ALOX5AP: variants seen among roughly 807,000 people sequenced by gnomAD.
The protein encoded by ALOX5AP is arachidonate 5-lipoxygenase activating protein.
In ALOX5AP, 9 loss-of-function variants were observed where a neutral mutation model predicts 18.5. The observed-to-expected ratio is 0.49, with a 90% confidence interval of 0.29 to 0.85. ALOX5AP has a LOEUF of 0.85. Among genes scored for constraint, ALOX5AP ranks in the 40% least tolerant of loss-of-function variants. ALOX5AP has a pLI of 0.08. For synonymous variants in ALOX5AP, 81 were observed against 78.6 expected, an observed-to-expected ratio of 1.03 and a Z score of -0.16; for missense variants, 172 against 202.5, an observed-to-expected ratio of 0.85 and a Z score of 0.91.
intron 1 of ALOX5AP, among the ~76,000 whole-genome samples, chr13:30,722,524 CAGTA>C (rs1312009354): frequency 6.6e-6 from 1 of 152,068 alleles, no homozygotes; most frequent in Non-Finnish European, 1.5e-5. Flanking sequence ...TATATATGCT[CAGTA>C]AGTATTTGTT....
At chr13:30,739,269 C>T (rs1432561343) in intron 1 of ALOX5AP, among the ~76,000 whole-genome samples, 1 of 152,214 alleles carries the variant, frequency 6.6e-6, no homozygotes, top group Non-Finnish European at 1.5e-5. Flanking sequence ...AATCCTTGCA[C>T]TCACCCACTC....
intron 1 of ALOX5AP, among the ~76,000 whole-genome samples, chr13:30,729,443 A>T (rs1320319306): frequency 6.6e-6 from 1 of 152,224 alleles, no homozygotes; most frequent in Admixed American, 6.5e-5. Flanking sequence ...ATATATGGGC[A>T]TCATGAATTT....
intron 3 of ALOX5AP, among the ~76,000 whole-genome samples, chr13:30,753,015 T>C (rs1951864479): frequency 6.6e-6 from 1 of 152,214 alleles, no homozygotes; most frequent in African/African-American, 2.4e-5. Flanking sequence ...TAAATATATA[T>C]TGAAGAGCTA....
chr13:30,737,013 G>A (rs1951727393), intron 1 of ALOX5AP, among the ~76,000 whole-genome samples: 1 of 152,236 alleles, frequency 6.6e-6, no homozygotes, highest in Non-Finnish European at 1.5e-5. Flanking sequence ...GTGATGGACA[G>A]GTCAGCCTGC....
At chr13:30,714,669 C>T (rs1951536024) in intron 1 of ALOX5AP, among the ~76,000 whole-genome samples, 1 of 152,008 alleles carries the variant, frequency 6.6e-6, no homozygotes, top group Non-Finnish European at 1.5e-5. Flanking sequence ...GTCTTGGATG[C>T]TTCAAAGGGG....
intron 2 of ALOX5AP, among the ~76,000 whole-genome samples, chr13:30,746,204 T>C (rs907650726): frequency 7.9e-5 from 12 of 152,198 alleles, no homozygotes; most frequent in African/African-American, 2.9e-4. Flanking sequence ...TCCACAGTCG[T>C]TGTGGGGTGC....
At chr13:30,763,802 A>G in intron 4 of ALOX5AP, 142 bp from the exon 5 acceptor site, 1 of 780,722 alleles carries the variant, frequency 1.3e-6, no homozygotes, top group Non-Finnish European at 2.1e-6. Context: ...CTTCAAATGA[A>G]GTAAATGGGA....
intron 1 of ALOX5AP, among the ~76,000 whole-genome samples, chr13:30,716,762 T>A (rs570998460): frequency 6.6e-6 from 1 of 152,222 alleles, no homozygotes; most frequent in Non-Finnish European, 1.5e-5. Context: ...TGAGTTGTGA[T>A]AATTCGCTGG....
intron 1 of ALOX5AP, among the ~76,000 whole-genome samples, chr13:30,740,535 T>C (rs1180472502): frequency 6.6e-6 from 1 of 152,182 alleles, no homozygotes; most frequent in Non-Finnish European, 1.5e-5. Context: ...GTTTATGGTC[T>C]TTGCATGTAT....
chr13:30,729,532 A>G (rs1951664628), intron 1 of ALOX5AP, among the ~76,000 whole-genome samples: 1 of 151,970 alleles, frequency 6.6e-6, no homozygotes, highest in African/African-American at 2.4e-5. Context: ...CCTACAAAAC[A>G]GATAAAGCTA....
intron 2 of ALOX5AP, among the ~76,000 whole-genome samples, chr13:30,750,986 G>T (rs1002714699): frequency 6.2e-4 from 94 of 152,332 alleles, no homozygotes; most frequent in Non-Finnish European, 1.2e-4. Flanking sequence ...CAGAAGGATT[G>T]CAGCCCTGCT....
intron 1 of ALOX5AP, among the ~76,000 whole-genome samples, chr13:30,725,630 G>A (rs1951633865): frequency 6.6e-6 from 1 of 152,236 alleles, no homozygotes; most frequent in Non-Finnish European, 1.5e-5. Flanking sequence ...ATCATGGAAG[G>A]GGCAGTGCTT....
intron 2 of ALOX5AP, among the ~76,000 whole-genome samples, chr13:30,750,861 A>T (rs1951846364): frequency 6.6e-6 from 1 of 152,140 alleles, no homozygotes; most frequent in South Asian, 2.1e-4. Context: ...CAAAATAAGA[A>T]AGATTTGATG....
chr13:30,763,278 A>G lies in ALOX5AP; in HGVS notation c.324-666A>G, dbSNP rs142357090. 4.9e-3 allele frequency among the ~76,000 whole-genome samples: 752 copies of G among 152,366 alleles called. 5 individuals carry two copies. The highest frequency in any genetic ancestry group is 0.017 in the African/African-American group (701 of 41,586). On this transcript the variant is annotated intron_variant, in intron 4 of 4. Transcript: ENST00000380490. ...AGCCGAGATTGCACCACTGCACTCC[A>G]GCTTGGGCTACAGAGTGAGACTCTA...
At chr13:30,714,491 G>A (rs1404941360) in intron 1 of ALOX5AP, among the ~76,000 whole-genome samples, 2 of 151,118 alleles carry the variant, frequency 1.3e-5, no homozygotes, top group African/African-American at 4.9e-5. Context: ...CATTTTGGGG[G>A]GCATCATTCA....
At chr13:30,738,230 C>T (rs184759298) in intron 1 of ALOX5AP, among the ~76,000 whole-genome samples, 2 of 152,324 alleles carry the variant, frequency 1.3e-5, no homozygotes, top group Admixed American at 6.5e-5. Context: ...AGAGCTGGCC[C>T]ACCTGGTGCA....
intron 2 of ALOX5AP, among the ~76,000 whole-genome samples, chr13:30,750,763 C>G (rs1427842346): frequency 6.6e-6 from 1 of 152,168 alleles, no homozygotes; most frequent in Non-Finnish European, 1.5e-5. Flanking sequence ...AAGAGATTAT[C>G]CTGGATGATC....
intron 4 of ALOX5AP, among the ~76,000 whole-genome samples, chr13:30,759,969 A>G (rs1474289866): frequency 2.6e-5 from 4 of 152,154 alleles, no homozygotes; most frequent in African/African-American, 7.2e-5. Flanking sequence ...TCTTACACAC[A>G]CTGGAGTTTG....
At chr13:30,734,983 T>C (rs1951708985), upstream of ALOX5AP, among the ~76,000 whole-genome samples, 1 of 152,150 alleles carries the variant, frequency 6.6e-6, no homozygotes, top group Non-Finnish European at 1.5e-5. Context: ...CTATACATTT[T>C]TTTAAAGTTT....
Sources: gnomAD v4.1 joint callset for allele counts (sites outside exome capture counted in the v4.1 genomes callset) on GRCh38, gnomAD v4.1.1 for gene constraint, MANE v1.5 for transcripts, NCBI Gene and HGNC (gene_info 2026-07-23, HGNC 2026-07-21) for gene names.